Variants in HPSE2 observed in about 807,000 individuals in gnomAD.
HPSE2 encodes heparanase 2 (inactive).
HPSE2 carries 38 observed loss-of-function variants against 60.5 expected under a neutral mutation model. That is an observed-to-expected ratio of 0.63 (90% CI 0.48 to 0.82). The LOEUF (loss-of-function observed/expected upper bound fraction) is 0.82. Ranked by LOEUF, HPSE2 falls within the 40% of genes least tolerant of loss-of-function variation. The pLI, the probability that HPSE2 is intolerant of heterozygous loss-of-function variation, is 0.00. For synonymous variants in HPSE2, 295 were observed against 293.2 expected (o/e 1.01, Z -0.06); for missense variants, 713 against 740.4 (o/e 0.96, Z 0.43).
chr10:98,823,624 C>A (rs1951474007), intron 3 of HPSE2, among the ~76,000 whole-genome samples: 1 of 151,700 alleles, frequency 6.6e-6, no homozygotes, highest in African/African-American at 2.4e-5. Flanking sequence ...GACCCCATCT[C>A]TAAAAAATAA....
intron 6 of HPSE2, among the ~76,000 whole-genome samples, chr10:98,672,829 G>C (rs1947540886): frequency 6.6e-6 from 1 of 152,054 alleles, no homozygotes; most frequent in Non-Finnish European, 1.5e-5. Context: ...TAAAAGGTGA[G>C]TGTCTCTTGC....
chr10:98,699,978 C>A (rs1948355818), intron 5 of HPSE2, among the ~76,000 whole-genome samples: 1 of 147,564 alleles, frequency 6.8e-6, no homozygotes, highest in Admixed American at 6.9e-5. Flanking sequence ...AACCACTGCT[C>A]AGTGAAATAA....
intron 3 of HPSE2, among the ~76,000 whole-genome samples, chr10:98,799,531 G>T (rs1325159715): frequency 6.6e-6 from 1 of 152,144 alleles, no homozygotes; most frequent in Non-Finnish European, 1.5e-5. Context: ...TAGACTATAT[G>T]TTAGGTCACA....
At chr10:98,958,956 T>A (rs1955578714) in intron 3 of HPSE2, among the ~76,000 whole-genome samples, 1 of 152,096 alleles carries the variant, frequency 6.6e-6, no homozygotes, top group Non-Finnish European at 1.5e-5. Context: ...GCTAGTTCCA[T>A]AAGAGCCTCA....
chr10:99,067,721 G>T, intron 3 of HPSE2, among the ~76,000 whole-genome samples: 1 of 152,212 alleles, frequency 6.6e-6, no homozygotes, highest in East Asian at 1.9e-4. Context: ...CTGGGCCTTT[G>T]ATGGGAGGGG....
intron 6 of HPSE2, among the ~76,000 whole-genome samples, chr10:98,652,332 C>T (rs1454338644): frequency 6.6e-6 from 1 of 152,152 alleles, no homozygotes; most frequent in Non-Finnish European, 1.5e-5. Context: ...TTCCCCCAAG[C>T]CAACTCATCG....
intron 3 of HPSE2, among the ~76,000 whole-genome samples, chr10:99,028,254 C>T (rs533754720): frequency 6.6e-6 from 1 of 152,236 alleles, no homozygotes; most frequent in South Asian, 2.1e-4. Flanking sequence ...AAACTAAAGA[C>T]TCCACTAAAA....
chr10:98,516,265 G>A (rs937925991), intron 9 of HPSE2, among the ~76,000 whole-genome samples: 1 of 152,158 alleles, frequency 6.6e-6, no homozygotes, highest in Admixed American at 6.5e-5. Flanking sequence ...GAAACTCAGC[G>A]ACAGAAAGCA....
At chr10:99,089,991 T>C (rs1050884176) in intron 3 of HPSE2, among the ~76,000 whole-genome samples, 2 of 152,228 alleles carry the variant, frequency 1.3e-5, no homozygotes, top group Admixed American at 6.5e-5. Flanking sequence ...TGTTGGTGTA[T>C]AGCAGGGCTA....
intron 3 of HPSE2, among the ~76,000 whole-genome samples, chr10:98,916,907 T>C (rs943978159): frequency 3.3e-5 from 5 of 152,168 alleles, no homozygotes; most frequent in East Asian, 1.9e-4. Flanking sequence ...CTCTAGAGCA[T>C]CTATCTTCAG....
chr10:98,757,589 TA>T (rs542902579), intron 3 of HPSE2, among the ~76,000 whole-genome samples: 44 of 151,872 alleles, frequency 2.9e-4, no homozygotes, highest in African/African-American at 9.2e-4. Context: ...ACCATAGCCA[TA>T]AAAAAATTAT....
At chr10:99,079,919 G>T (rs11189959) in intron 3 of HPSE2, among the ~76,000 whole-genome samples, 15,083 of 152,046 alleles carry the variant, frequency 0.099, 784 homozygotes, top group South Asian at 0.19. Flanking sequence ...TATTAGATAC[G>T]TGGTCCAACT....
chr10:98,683,445 T>C (rs1947835830), intron 6 of HPSE2, among the ~76,000 whole-genome samples: 1 of 147,526 alleles, frequency 6.8e-6, no homozygotes, highest in Admixed American at 6.7e-5. Flanking sequence ...AAAGAAAAAA[T>C]AGGAAAAGAA....
At chr10:99,171,465 TG>T (rs1262940781) in intron 2 of HPSE2, among the ~76,000 whole-genome samples, 1 of 152,034 alleles carries the variant, frequency 6.6e-6, no homozygotes, top group Non-Finnish European at 1.5e-5. Context: ...CATGAAGAGA[TG>T]GATGTAGCTC....
At chr10:98,600,428 T>C (rs1945364227) in intron 9 of HPSE2, among the ~76,000 whole-genome samples, 1 of 152,144 alleles carries the variant, frequency 6.6e-6, no homozygotes, top group Admixed American at 6.5e-5. Context: ...GGAAGGTAAT[T>C]ATAAGTGTTG....
intron 6 of HPSE2, among the ~76,000 whole-genome samples, chr10:98,684,460 T>G (rs1309992304): frequency 6.6e-6 from 1 of 152,118 alleles, no homozygotes; most frequent in Non-Finnish European, 1.5e-5. Context: ...AAACAAAAGT[T>G]GTGAAAGAAA....
chr10:98,594,747 T>C (rs1177575903), intron 9 of HPSE2, among the ~76,000 whole-genome samples: 1 of 152,208 alleles, frequency 6.6e-6, no homozygotes, highest in Non-Finnish European at 1.5e-5. Flanking sequence ...CTATTGTAAG[T>C]AATGCTGCAA....
chr10:98,998,889 A>C (rs978316947), intron 3 of HPSE2, among the ~76,000 whole-genome samples: 1 of 152,244 alleles, frequency 6.6e-6, no homozygotes, highest in Non-Finnish European at 1.5e-5. Flanking sequence ...CTCCAACCTT[A>C]TCAAAGGACA....
chr10:98,736,908 T>C lies in HPSE2; in HGVS notation c.784+6975A>G, dbSNP rs528147891. ...ATTTTGCAGGTGCTCCACACATACA[T>C]AGTTAATGCAAGAATGACTAAATAC... On this transcript the variant is annotated intron_variant, in intron 4 of 11. Transcript: ENST00000370552. Among the ~76,000 whole-genome samples the C allele has an allele frequency of 5.9e-5, 9 of 152,328 alleles. No individual in the cohort carries two copies. In the East Asian group the frequency reaches 7.7e-4, roughly 13 times the overall value.
Sources: gnomAD v4.1 joint callset for allele counts (sites outside exome capture counted in the v4.1 genomes callset) on GRCh38, gnomAD v4.1.1 for gene constraint, MANE v1.5 for transcripts, NCBI Gene and HGNC (gene_info 2026-07-23, HGNC 2026-07-21) for gene names.